Variants in XIRP2 observed in about 807,000 individuals in gnomAD.
XIRP2 encodes xin actin-binding repeat-containing protein 2.
In XIRP2, 236 loss-of-function variants were observed where a neutral mutation model predicts 277.0. The observed-to-expected ratio is 0.85, with a 90% confidence interval of 0.77 to 0.95. The LOEUF (loss-of-function observed/expected upper bound fraction) is 0.95, where lower values mean the gene tolerates loss of function less well. XIRP2 is among the 40% of genes least tolerant of loss of function. The pLI is 0.00. For missense variants in XIRP2, 4,640 were observed against 4,157.5 expected (o/e 1.12, Z -3.19); for synonymous variants, 1,490 against 1,416.5 (o/e 1.05, Z -1.17).
intron 2 of XIRP2, among the ~76,000 whole-genome samples, chr2:167,066,252 C>T (rs532218964): frequency 6.6e-6 from 1 of 151,894 alleles, no homozygotes. Context: ...CCTTGTTGCT[C>T]TCAACCACCA....
At chr2:167,234,866 A>G (rs1035195456) in intron 5 of XIRP2, among the ~76,000 whole-genome samples, 2 of 151,832 alleles carry the variant, frequency 1.3e-5, no homozygotes, top group African/African-American at 4.8e-5. Context: ...TAGTTATTCA[A>G]TGTCATAGTA....
At chr2:167,188,826 T>C (rs551786999) in intron 3 of XIRP2, among the ~76,000 whole-genome samples, 1 of 152,332 alleles carries the variant, frequency 6.6e-6, no homozygotes, top group East Asian at 1.9e-4. Context: ...TGTTTTTGCT[T>C]TCATCTGGTG....
At position 167,250,174 on chromosome 2, in the gene XIRP2, TC is replaced by T. The variant is rs753331720; in HGVS notation, c.8784del (p.Ser2929LeufsTer2). 7 of 1,613,402 alleles carry T rather than the reference TC, an allele frequency of 4.3e-6. No individual in the cohort carries two copies. The highest frequency in any genetic ancestry group is 5.9e-6 in the Non-Finnish European group (7 of 1,179,680). On this transcript the variant is annotated frameshift_variant, in exon 9 of 11. Coordinates refer to ENST00000409195, the MANE Select transcript of XIRP2 (RefSeq NM_152381.6). LOFTEE classifies it high-confidence loss of function. ...QEITQNKSFF[S>X]SVKESQRDDG... ...GATTACACAGAACAAATCTTTCTTT[TC>T]CTCTGTGAAAGAATCCCAGCGGGAT...
At chr2:166,911,290 G>A (rs1684692096) in intron 2 of XIRP2, among the ~76,000 whole-genome samples, 3 of 152,082 alleles carry the variant, frequency 2.0e-5, no homozygotes, top group Non-Finnish European at 4.4e-5. Context: ...TATGAATCTG[G>A]GTGCTCCTGT....
intron 2 of XIRP2, among the ~76,000 whole-genome samples, chr2:167,043,467 CAG>C (rs1252227078): frequency 6.6e-6 from 1 of 151,736 alleles, no homozygotes; most frequent in African/African-American, 2.4e-5. Context: ...AAAGAAAAAA[CAG>C]AGAAGATTCA....
chr2:167,184,080 G>A (rs577048591), intron 3 of XIRP2, among the ~76,000 whole-genome samples: 8 of 152,146 alleles, frequency 5.3e-5, no homozygotes, highest in African/African-American at 1.9e-4. Context: ...TGCTTTGAGG[G>A]GGAGATTGGC....
At chr2:167,152,210 G>C (rs908330249) in intron 3 of XIRP2, among the ~76,000 whole-genome samples, 1 of 152,036 alleles carries the variant, frequency 6.6e-6, no homozygotes. Flanking sequence ...CTGACCTTCT[G>C]TTCTGAAGTA....
intron 3 of XIRP2, among the ~76,000 whole-genome samples, chr2:167,149,800 G>A (rs560586804): frequency 6.6e-6 from 1 of 152,054 alleles, no homozygotes; most frequent in East Asian, 1.9e-4. Context: ...ACTTTGTTCT[G>A]TTGCAATAAT....
intron 2 of XIRP2, among the ~76,000 whole-genome samples, chr2:166,933,544 C>T (rs1685408969): frequency 6.6e-6 from 1 of 151,414 alleles, no homozygotes; most frequent in Admixed American, 6.6e-5. Flanking sequence ...CGTGCCACTG[C>T]ACTCCAGCCT....
chr2:166,942,116 C>T (rs1312480379), intron 2 of XIRP2, among the ~76,000 whole-genome samples: 2 of 152,082 alleles, frequency 1.3e-5, no homozygotes, highest in African/African-American at 2.4e-5. Flanking sequence ...ATGAAGTGAC[C>T]AATATGACCA....
chr2:167,251,758 C>T lies in XIRP2; in HGVS notation c.10366C>T (p.Pro3456Ser). Reference sequence around the variant, plus strand: ...TGGCTGTGACTTCAAGCATGCCCCACCAACCTATGAGGATGTCATTGCTGG... The same window carrying T: ...TGGCTGTGACTTCAAGCATGCCCCATCAACCTATGAGGATGTCATTGCTGG... The part of the protein sequence containing the change: ...KSGCDFKHAP[P>S]TYEDVIAGHI... Residue 3456 changes from proline to serine, a missense_variant, in exon 9 of 11, where the codon CCA (proline) becomes TCA (serine). Coordinates refer to ENST00000409195, the MANE Select transcript of XIRP2 (RefSeq NM_152381.6). 1 of 1,613,306 alleles carries T rather than the reference C, an allele frequency of 6.2e-7. No individual in the cohort carries two copies.
At chr2:167,257,810 A>G in intron 10 of XIRP2, 47 bp from the exon 11 acceptor site, 1 of 1,528,416 alleles carries the variant, frequency 6.5e-7, no homozygotes, top group South Asian at 1.3e-5. Flanking sequence ...TTCCCTATGA[A>G]CTTACAGTAA....
chr2:167,154,633 C>A (rs1692127664), intron 3 of XIRP2, among the ~76,000 whole-genome samples: 1 of 152,020 alleles, frequency 6.6e-6, no homozygotes, highest in Non-Finnish European at 1.5e-5. Flanking sequence ...TATGGCTAGC[C>A]AGTTTTCCTA....
At chr2:167,072,197 C>T (rs1689454122) in intron 2 of XIRP2, among the ~76,000 whole-genome samples, 1 of 152,060 alleles carries the variant, frequency 6.6e-6, no homozygotes. Flanking sequence ...TACAAACATA[C>T]ATACATGCTG....
intron 2 of XIRP2, among the ~76,000 whole-genome samples, chr2:167,029,715 C>A (rs1362103266): frequency 2.0e-5 from 3 of 152,082 alleles, no homozygotes; most frequent in Non-Finnish European, 4.4e-5. Context: ...ATGATGCTGG[C>A]CTCATAAAAT....
chr2:166,911,406 G>T (rs1191609714), intron 2 of XIRP2, among the ~76,000 whole-genome samples: 1 of 152,118 alleles, frequency 6.6e-6, no homozygotes, highest in Non-Finnish European at 1.5e-5. Context: ...TTTAAAGTCT[G>T]TTTTATCAGA....
intron 2 of XIRP2, among the ~76,000 whole-genome samples, chr2:167,007,464 A>G (rs889310003): frequency 6.6e-6 from 1 of 151,696 alleles, no homozygotes; most frequent in Non-Finnish European, 1.5e-5. Flanking sequence ...AATCAGTAAT[A>G]ATCTATAATT....
At chr2:166,911,457 G>T (rs1358560843) in intron 2 of XIRP2, among the ~76,000 whole-genome samples, 2 of 151,954 alleles carry the variant, frequency 1.3e-5, no homozygotes, top group South Asian at 2.1e-4. Context: ...TTTTCCATTT[G>T]CTTGGTAGAT....
intron 2 of XIRP2, among the ~76,000 whole-genome samples, chr2:167,070,666 CT>C (rs1324077672): frequency 6.6e-6 from 1 of 151,994 alleles, no homozygotes; most frequent in Non-Finnish European, 1.5e-5. Context: ...TTGTTCTTTT[CT>C]TTTATGAGTT....
Sources: gnomAD v4.1 joint callset for allele counts (sites outside exome capture counted in the v4.1 genomes callset) on GRCh38, gnomAD v4.1.1 for gene constraint, MANE v1.5 for transcripts, NCBI Gene and HGNC (gene_info 2026-07-23, HGNC 2026-07-21) for gene names.